Variants in TIAM1 observed in about 807,000 individuals in gnomAD.
TIAM1 encodes the protein TIAM Rac1 associated GEF 1, also known as rho guanine nucleotide exchange factor TIAM1.
Under a neutral mutation model 163.5 loss-of-function variants are expected in TIAM1, and 65 were observed. That is an observed-to-expected ratio of 0.40 (90% CI 0.33 to 0.49). TIAM1 has a LOEUF of 0.49. Among genes scored for constraint, TIAM1 ranks in the 20% least tolerant of loss-of-function variants. The pLI is 0.77. For synonymous variants in TIAM1, 833 were observed against 810.1 expected (o/e 1.03, Z -0.48); for missense variants, 1,789 against 2,044.7 (o/e 0.87, Z 2.41).
At chr21:31,206,731 A>G (rs1233455359) in intron 11 of TIAM1, among the ~76,000 whole-genome samples, 1 of 152,202 alleles carries the variant, frequency 6.6e-6, no homozygotes, top group Admixed American at 6.5e-5. Flanking sequence ...GCAAAACACA[A>G]TGTAGATATT....
At chr21:31,532,534 C>G (rs1276519001) in intron 1 of TIAM1, among the ~76,000 whole-genome samples, 2 of 152,190 alleles carry the variant, frequency 1.3e-5, no homozygotes, top group African/African-American at 2.4e-5. Flanking sequence ...ACAATAGGCA[C>G]TGATATAATG....
At chr21:31,432,721 C>T (rs1298369036) in intron 2 of TIAM1, among the ~76,000 whole-genome samples, 1 of 152,152 alleles carries the variant, frequency 6.6e-6, no homozygotes, top group Non-Finnish European at 1.5e-5. Flanking sequence ...AAATGACATG[C>T]CCCTGCAGTG....
chr21:31,479,328 T>C (rs2046031835), intron 1 of TIAM1, among the ~76,000 whole-genome samples: 1 of 152,178 alleles, frequency 6.6e-6, no homozygotes, highest in East Asian at 1.9e-4. Context: ...GATTTATTCC[T>C]GTGATTCTGT....
chr21:31,247,434 G>C (rs1305477125), intron 5 of TIAM1, among the ~76,000 whole-genome samples: 2 of 151,936 alleles, frequency 1.3e-5, no homozygotes, highest in African/African-American at 4.8e-5. Flanking sequence ...TCCCACTGTT[G>C]CTCAGGCTGG....
At chr21:31,332,616 T>TC (rs56906787) in intron 2 of TIAM1, among the ~76,000 whole-genome samples, 3 of 151,988 alleles carry the variant, frequency 2.0e-5, no homozygotes, top group Non-Finnish European at 4.4e-5. Flanking sequence ...TTTTTTTTTT[T>TC]CACCAAAAGA....
At chr21:31,258,813 CAAA>C (rs34060979) in intron 4 of TIAM1, among the ~76,000 whole-genome samples, 55 of 141,514 alleles carry the variant, frequency 3.9e-4, no homozygotes, top group Middle Eastern at 3.6e-3. Flanking sequence ...GACTCCGTCT[CAAA>C]AAAAAAAAAA....
chr21:31,300,882 A>G (rs1317017124), intron 2 of TIAM1, among the ~76,000 whole-genome samples: 1 of 152,256 alleles, frequency 6.6e-6, no homozygotes, highest in African/African-American at 2.4e-5. Context: ...TTAGATTTTA[A>G]AAGTCACACT....
At chr21:31,342,912 C>A (rs558395762) in intron 1 of TIAM1, among the ~76,000 whole-genome samples, 13 of 152,168 alleles carry the variant, frequency 8.5e-5, no homozygotes, top group African/African-American at 3.1e-4. Flanking sequence ...CCTCCCGACC[C>A]CCAAAGTTCA....
chr21:31,179,546 G>GAA lies in TIAM1; in HGVS notation c.2887+2873_2887+2874dup, dbSNP rs11444840. Among the ~76,000 whole-genome samples the GAA allele has an allele frequency of 7.4e-4, 101 of 136,938 alleles. 2 individuals are homozygous for GAA. The highest frequency in any genetic ancestry group is 3.7e-3 in the Middle Eastern group (1 of 268). 89.8% of individuals were successfully genotyped at this position (136,938 alleles called of 152,430 possible). On this transcript the variant is annotated intron_variant, in intron 15 of 27. Transcript: ENST00000541036. ...AGCTCCGAGTTATGGCCGCTTAATT[G>GAA]AAAAAAAAAAAAAACCTTCCAAAGA...
intron 13 of TIAM1, 69 bp from the exon 14 acceptor site, chr21:31,187,156 G>T: frequency 3.6e-6 from 5 of 1,406,910 alleles, no homozygotes; most frequent in Non-Finnish European, 4.0e-6. Flanking sequence ...AACAGGAAGT[G>T]CCTGCTGTGA....
At chr21:31,190,765 G>A (rs1250103823) in intron 13 of TIAM1, among the ~76,000 whole-genome samples, 1 of 152,174 alleles carries the variant, frequency 6.6e-6, no homozygotes, top group Non-Finnish European at 1.5e-5. Flanking sequence ...TGGAGAGAGA[G>A]GCAAGAGAGA....
At chr21:31,458,817 C>T (rs534786) in intron 2 of TIAM1, among the ~76,000 whole-genome samples, 36,304 of 151,958 alleles carry the variant, frequency 0.24, 4,452 homozygotes, top group South Asian at 0.28. Flanking sequence ...GAAGCCTGTC[C>T]GGGGAGGCGA....
At chr21:31,146,850 C>A in intron 20 of TIAM1, 45 bp downstream of exon 20, 2 of 1,525,640 alleles carry the variant, frequency 1.3e-6, no homozygotes, top group Non-Finnish European at 1.8e-6. Flanking sequence ...AGCCACACAA[C>A]TGACAAGCAA....
Position 31,418,341 on chromosome 21 carries a change from C to CAAAA in TIAM1, c.-369+45638_-369+45641dup, listed in dbSNP as rs71193114. Among the ~76,000 whole-genome samples the CAAAA allele has an allele frequency of 4.4e-3, 152 of 34,706 alleles. 7 individuals are homozygous for CAAAA. The highest frequency in any genetic ancestry group is 0.021 in the Middle Eastern group (1 of 48). The allele number at this position is 34,706 out of a possible 152,430, so 22.8% of individuals were successfully genotyped here. ...TGGGCGACAGAGCGAGACTCTGTCTCAAAAAAAAAAAAAAAAAAAAAAAAA... is the reference window on the plus strand; with the variant it reads ...TGGGCGACAGAGCGAGACTCTGTCTCAAAAAAAAAAAAAAAAAAAAAAAAAAAAA... On this transcript the variant is annotated intron_variant, in intron 2 of 28. Coordinates refer to the TIAM1 transcript ENST00000286827.
At chr21:31,147,787 A>AATATATATATATAT (rs373598678) in intron 19 of TIAM1, among the ~76,000 whole-genome samples, 4 of 139,850 alleles carry the variant, frequency 2.9e-5, no homozygotes, top group African/African-American at 1.1e-4. Flanking sequence ...ATTATATTAA[A>AATATATATATATAT]ATATATATAT....
chr21:31,283,536 T>TA (rs2073664285), intron 2 of TIAM1, among the ~76,000 whole-genome samples: 2 of 149,732 alleles, frequency 1.3e-5, no homozygotes, highest in African/African-American at 5.1e-5. Flanking sequence ...TTCTTTCCCT[T>TA]TTTTATTTAT....
intron 2 of TIAM1, among the ~76,000 whole-genome samples, chr21:31,358,682 C>A (rs1165937467): frequency 6.6e-6 from 1 of 152,024 alleles, no homozygotes; most frequent in Non-Finnish European, 1.5e-5. Context: ...ATCCAAATCT[C>A]TTCTCACCCC....
chr21:31,347,229 C>T (rs187562958), upstream of TIAM1, among the ~76,000 whole-genome samples: 5 of 152,212 alleles, frequency 3.3e-5, no homozygotes, highest in East Asian at 5.8e-4. Context: ...CATACAGTGG[C>T]GGGCAGGTTT....
intron 1 of TIAM1, among the ~76,000 whole-genome samples, chr21:31,502,525 C>T (rs981164099): frequency 6.6e-6 from 1 of 152,108 alleles, no homozygotes; most frequent in Non-Finnish European, 1.5e-5. Flanking sequence ...CACCCTCCCC[C>T]AAATCTGGGT....
Sources: gnomAD v4.1 joint callset for allele counts (sites outside exome capture counted in the v4.1 genomes callset) on GRCh38, gnomAD v4.1.1 for gene constraint, MANE v1.5 for transcripts, NCBI Gene and HGNC (gene_info 2026-07-23, HGNC 2026-07-21) for gene names.